The following CFAP90 variants were observed in gnomAD, a reference collection of about 807,000 sequenced individuals.
CFAP90 encodes the protein cilia- and flagella-associated protein 90.
the CFAP90 span, among the ~76,000 whole-genome samples, chr5:7,847,516 C>A: frequency 6.6e-6 from 1 of 152,062 alleles, no homozygotes. Flanking sequence ...ATGGTCTCTG[C>A]CAAATCTACA....
At chr5:7,837,081 T>C in the CFAP90 span, among the ~76,000 whole-genome samples, 1 of 152,188 alleles carries the variant, frequency 6.6e-6, no homozygotes, top group Non-Finnish European at 1.5e-5. Context: ...AATCCATATA[T>C]ATATGAATAC....
At chr5:7,847,157 T>A in the CFAP90 span, among the ~76,000 whole-genome samples, 1 of 152,208 alleles carries the variant, frequency 6.6e-6, no homozygotes, top group African/African-American at 2.4e-5. Context: ...AAATCCCAGT[T>A]CATATCATCC....
At chr5:7,841,039 G>A in the CFAP90 span, among the ~76,000 whole-genome samples, 46 of 152,046 alleles carry the variant, frequency 3.0e-4, no homozygotes, top group Admixed American at 1.5e-3. Context: ...AAGAAACTAC[G>A]AACTGCATAA....
At chr5:7,835,589 G>A in the CFAP90 span, 2 of 739,896 alleles carry the variant, frequency 2.7e-6, no homozygotes, top group Non-Finnish European at 4.6e-6. Context: ...TCTTTCCCAA[G>A]GGAGGCTGGA....
chr5:7,844,416 T>C, the CFAP90 span, among the ~76,000 whole-genome samples: 1 of 152,350 alleles, frequency 6.6e-6, no homozygotes, highest in Admixed American at 6.5e-5. Context: ...GATTATTCAT[T>C]CCTCATTTGT....
chr5:7,840,085 T>C, the CFAP90 span, among the ~76,000 whole-genome samples: 1 of 152,204 alleles, frequency 6.6e-6, no homozygotes, highest in Non-Finnish European at 1.5e-5. Flanking sequence ...AATTTTGCCA[T>C]TAAAATCCCT....
the CFAP90 span, chr5:7,850,924 G>C: frequency 7.4e-7 from 1 of 1,360,238 alleles, no homozygotes; most frequent in Non-Finnish European, 9.5e-7. Context: ...CAGGCGCCGC[G>C]GCGGGATGTA....
chr5:7,830,970 GGCACACACTGGGTACCTGTGT>G, the CFAP90 span: 2 of 152,150 alleles, frequency 1.3e-5, no homozygotes, highest in African/African-American at 4.8e-5. Context: ...CACTGGGTGG[GGCACACACTGGGTACCTGTGT>G]TATGCCTGTG....
chr5:7,839,617 A>C, the CFAP90 span, among the ~76,000 whole-genome samples: 1 of 152,244 alleles, frequency 6.6e-6, no homozygotes, highest in African/African-American at 2.4e-5. Context: ...ATTTCTTCTC[A>C]TTCTAATCAG....
chr5:7,841,647 A>C, the CFAP90 span, among the ~76,000 whole-genome samples: 68,308 of 152,098 alleles, frequency 0.45, 16,016 homozygotes, highest in Admixed American at 0.57. Flanking sequence ...ATGCAGCCAT[A>C]AAAAGGAATG....
chr5:7,850,948 T>C, the CFAP90 span: 2 of 1,342,824 alleles, frequency 1.5e-6, no homozygotes, highest in South Asian at 5.0e-5. Context: ...GAAGGCGGAC[T>C]GCGCCGAGAC....
chr5:7,833,145 A>T, the CFAP90 span, among the ~76,000 whole-genome samples: 1 of 152,212 alleles, frequency 6.6e-6, no homozygotes, highest in Non-Finnish European at 1.5e-5. Flanking sequence ...ACACAATGAC[A>T]TGACTGAATA....
chr5:7,832,644 C>T, the CFAP90 span, among the ~76,000 whole-genome samples: 1 of 152,096 alleles, frequency 6.6e-6, no homozygotes, highest in African/African-American at 2.4e-5. Context: ...TGCACCACCA[C>T]GCTCGGCTAG....
the CFAP90 span, among the ~76,000 whole-genome samples, chr5:7,832,969 T>C: frequency 6.6e-6 from 1 of 152,238 alleles, no homozygotes; most frequent in Non-Finnish European, 1.5e-5. Context: ...AATGTTCTCG[T>C]GTGTGCAATT....
the CFAP90 span, among the ~76,000 whole-genome samples, chr5:7,850,353 G>A: frequency 3.6e-5 from 5 of 139,730 alleles, no homozygotes; most frequent in South Asian, 2.3e-4. Context: ...GTGAAGCCCT[G>A]CCCCCAGGGT....
chr5:7,846,530 T>A, the CFAP90 span, among the ~76,000 whole-genome samples: 3 of 152,126 alleles, frequency 2.0e-5, no homozygotes, highest in Non-Finnish European at 2.9e-5. Flanking sequence ...GGAGTCTCTT[T>A]AACAAGGGTG....
At chr5:7,850,088 C>A in the CFAP90 span, among the ~76,000 whole-genome samples, 1 of 152,152 alleles carries the variant, frequency 6.6e-6, no homozygotes, top group Non-Finnish European at 1.5e-5. Context: ...TCTGAGCATT[C>A]CCGCGACTCC....
chr5:7,850,770 GCGGCCGCCCGCCCCTGCCCAGCCGCC>G, the CFAP90 span: 4 of 934,034 alleles, frequency 4.3e-6, no homozygotes, highest in Non-Finnish European at 3.8e-6. Context: ...CCGCCCCTCC[GCGGCCGCCCGCCCCTGCCCAGCCGCC>G]CAGCCGCCCA....
At chr5:7,835,541 G>C in the CFAP90 span, 538 of 1,240,912 alleles carry the variant, frequency 4.3e-4, no homozygotes, top group Non-Finnish European at 5.6e-4. Context: ...TAATTTGAAG[G>C]CTGGGTCATT....
Sources: allele counts gnomAD v4.1 joint callset (sites outside exome capture counted in the v4.1 genomes callset), GRCh38; gene constraint gnomAD v4.1.1; transcripts MANE v1.5; gene names NCBI Gene and HGNC (gene_info 2026-07-23, HGNC 2026-07-21).